The following NFE2L2 variants were observed in gnomAD, a reference collection of about 807,000 sequenced individuals.
The protein encoded by NFE2L2 is nuclear factor erythroid 2-related factor 2.
Under a neutral mutation model 49.6 loss-of-function variants are expected in NFE2L2, and 20 were observed. The ratio of observed to expected loss-of-function variants is 0.40; its 90% CI spans 0.28 to 0.59. The LOEUF is 0.59. NFE2L2 is among the 20% of genes least tolerant of loss of function. NFE2L2 has a pLI of 0.40. For missense variants in NFE2L2, 578 were observed against 714.2 expected (o/e 0.81, Z 2.17); for synonymous variants, 244 against 256.5 (o/e 0.95, Z 0.47).
At chr2:177,232,046 T>C (rs1273007005) in intron 4 of NFE2L2, 38 bp from the exon 5 acceptor site, 1 of 1,527,836 alleles carries the variant, frequency 6.5e-7, no homozygotes, top group Non-Finnish European at 8.8e-7. Flanking sequence ...TAAATCAAAG[T>C]TAATCCATGA....
chr2:177,247,048 T>C (rs1455111488), intron 1 of NFE2L2, among the ~76,000 whole-genome samples: 1 of 152,214 alleles, frequency 6.6e-6, no homozygotes, highest in African/African-American at 2.4e-5. Flanking sequence ...AATATCCTTG[T>C]ATATAAATCA....
chr2:177,241,390 T>C (rs1398848277), intron 1 of NFE2L2, among the ~76,000 whole-genome samples: 1 of 152,242 alleles, frequency 6.6e-6, no homozygotes, highest in African/African-American at 2.4e-5. Flanking sequence ...TTATATTATT[T>C]ACCTAAAAGC....
intron 1 of NFE2L2, among the ~76,000 whole-genome samples, chr2:177,246,605 T>G (rs547479513): frequency 6.6e-6 from 1 of 150,452 alleles, no homozygotes; most frequent in Non-Finnish European, 1.5e-5. Flanking sequence ...TTTTCTTTTT[T>G]TTCTTTTTTT....
Position 177,232,556 on chromosome 2 carries a change from C to A in NFE2L2, c.430G>T (p.Val144Phe), listed in dbSNP as rs1159618192. ...EVSSATFQSLVPDIPGHIESP... is the reference protein window; with the variant it reads ...EVSSATFQSLFPDIPGHIESP... ...TCGATGTGACCGGGAATATCAGGAA[C>A]AAGTGACTGAAACGTAGCCGAAGAA... The change falls in exon 4 of 5, where the codon GTT becomes TTT. Residue 144 changes from valine (V) to phenylalanine (F), a missense_variant. This residue lies in a region of NFE2L2 where 368 missense variants were observed against 384.6 expected (regional missense o/e 0.96). Coordinates refer to ENST00000397062, the MANE Select transcript of NFE2L2 (RefSeq NM_006164.5). 6.2e-7 allele frequency: 1 copy of A among 1,613,880 alleles called. No homozygotes were observed. The highest frequency in any genetic ancestry group is 8.5e-7 in the Non-Finnish European group (1 of 1,179,926).
At chr2:177,264,399 C>A (rs911423763) in intron 1 of NFE2L2, 133 bp downstream of exon 1, 2 of 923,532 alleles carry the variant, frequency 2.2e-6, no homozygotes, top group Non-Finnish European at 3.0e-6. Flanking sequence ...GGCGGCTCTA[C>A]CCAGCGCCGC....
At chr2:177,255,176 G>A (rs142832274) in intron 1 of NFE2L2, among the ~76,000 whole-genome samples, 10 of 152,158 alleles carry the variant, frequency 6.6e-5, no homozygotes, top group Admixed American at 2.6e-4. Flanking sequence ...CTATCTAGGC[G>A]AGTCATGTCT....
At chr2:177,263,735 TC>T (rs1204228015) in intron 1 of NFE2L2, 1 of 985,352 alleles carries the variant, frequency 1.0e-6, no homozygotes, top group Non-Finnish European at 1.2e-6. Context: ...GCCCGCACTT[TC>T]CCGCGGCGTT....
At chr2:177,240,570 G>A in intron 1 of NFE2L2, among the ~76,000 whole-genome samples, 1 of 152,168 alleles carries the variant, frequency 6.6e-6, no homozygotes, top group East Asian at 1.9e-4. Context: ...AAACACAAAT[G>A]TTGGACAATT....
chr2:177,258,717 TAGAG>T (rs1690620266), intron 1 of NFE2L2, among the ~76,000 whole-genome samples: 2 of 152,004 alleles, frequency 1.3e-5, no homozygotes, highest in African/African-American at 2.4e-5. Context: ...AAAATGCCAT[TAGAG>T]AGGATCACCT....
At chr2:177,249,767 A>G (rs1259017604) in intron 1 of NFE2L2, among the ~76,000 whole-genome samples, 1 of 152,254 alleles carries the variant, frequency 6.6e-6, no homozygotes, top group African/African-American at 2.4e-5. Flanking sequence ...GCATGGTAAC[A>G]CGAAATGTAG....
chr2:177,233,561 T>C, intron 2 of NFE2L2: 1 of 548,520 alleles, frequency 1.8e-6, no homozygotes, highest in Non-Finnish European at 3.2e-6. Flanking sequence ...TATTTAACCT[T>C]TGTGAGCTTC....
At chr2:177,233,622 T>G in intron 2 of NFE2L2, 1 of 506,950 alleles carries the variant, frequency 2.0e-6, no homozygotes. Context: ...TTAATATAGT[T>G]GTGTTAATTA....
chr2:177,245,116 G>A (rs1690078555), intron 1 of NFE2L2, among the ~76,000 whole-genome samples: 1 of 151,388 alleles, frequency 6.6e-6, no homozygotes, highest in African/African-American at 2.4e-5. Context: ...AAGAGGCTCT[G>A]AGTCTCTAGC....
intron 1 of NFE2L2, among the ~76,000 whole-genome samples, chr2:177,238,885 G>A (rs887591310): frequency 6.6e-6 from 1 of 152,208 alleles, no homozygotes; most frequent in African/African-American, 2.4e-5. Flanking sequence ...AGTTTTAGTG[G>A]ATATTGCTCT....
At chr2:177,258,260 C>G (rs576801914) in intron 1 of NFE2L2, among the ~76,000 whole-genome samples, 12 of 152,262 alleles carry the variant, frequency 7.9e-5, no homozygotes, top group African/African-American at 2.6e-4. Context: ...AAAGGAATGA[C>G]GCTATTGATA....
At chr2:177,244,126 C>G (rs1241375035) in intron 1 of NFE2L2, among the ~76,000 whole-genome samples, 5 of 151,772 alleles carry the variant, frequency 3.3e-5, no homozygotes, top group African/African-American at 1.2e-4. Context: ...CGGTGAAACC[C>G]CGTCTCTACT....
At chr2:177,248,503 G>A (rs775607466) in intron 1 of NFE2L2, among the ~76,000 whole-genome samples, 9 of 152,046 alleles carry the variant, frequency 5.9e-5, no homozygotes, top group Non-Finnish European at 1.0e-4. Context: ...GCCGCCTCCC[G>A]GGTTCAAGCG....
At chr2:177,263,795 G>C in intron 1 of NFE2L2, 1 of 985,500 alleles carries the variant, frequency 1.0e-6, no homozygotes, top group Non-Finnish European at 1.2e-6. Context: ...CCCCGGCCGA[G>C]AAAGTGCGCG....
At chr2:177,252,657 G>A (rs1690384164) in intron 1 of NFE2L2, among the ~76,000 whole-genome samples, 1 of 2,386 alleles carries the variant, frequency 4.2e-4, no homozygotes, top group African/African-American at 4.6e-4. Context: ...TGGTGGATGA[G>A]TATTTTTAAA....
Sources: allele counts gnomAD v4.1 joint callset (sites outside exome capture counted in the v4.1 genomes callset), GRCh38; gene constraint gnomAD v4.1.1; regional missense constraint gnomAD v4.1.1; transcripts MANE v1.5; gene names NCBI Gene and HGNC (gene_info 2026-07-23, HGNC 2026-07-21).